Variants in IP6K1 observed in about 807,000 individuals in gnomAD.
The protein encoded by IP6K1 is ATP:1D-myo-inositol-hexakisphosphate phosphotransferase.
A neutral mutation model predicts 38.3 loss-of-function variants in IP6K1; 13 were observed. The ratio of observed to expected loss-of-function variants is 0.34; its 90% confidence interval spans 0.22 to 0.54. The LOEUF (loss-of-function observed/expected upper bound fraction) is 0.54, where lower values mean the gene tolerates loss of function less well. Ranked by LOEUF, IP6K1 falls within the 20% of genes least tolerant of loss-of-function variation. IP6K1 has a pLI of 0.92. For synonymous variants in IP6K1, 212 were observed against 229.9 expected (o/e 0.92, Z 0.70); for missense variants, 397 against 599.8 (o/e 0.66, Z 3.53).
At chr3:49,734,346 C>T (rs1171207463) in intron 3 of IP6K1, among the ~76,000 whole-genome samples, 2 of 149,010 alleles carry the variant, frequency 1.3e-5, no homozygotes, top group Non-Finnish European at 3.0e-5. Context: ...CTGCAAATTA[C>T]AGAGCAAGCC....
At chr3:49,747,792 T>C (rs2080734342) in intron 2 of IP6K1, 26 bp downstream of exon 2, 1 of 1,613,902 alleles carries the variant, frequency 6.2e-7, no homozygotes, top group Non-Finnish European at 8.5e-7. Flanking sequence ...AGGCTGCTGC[T>C]TTCATTAAAC....
rs577201789 is a variant in IP6K1 at position 49,776,922 on chromosome 3, C to T, written c.-129+9432G>A. On this transcript the variant is annotated intron_variant, in intron 1 of 5. Transcript: ENST00000321599. ...TTGACTGGAAAGGGAAATAAGAGTA[C>T]CTTCTATGACTAACTGACATCTTTT... 3.9e-5 allele frequency among the ~76,000 whole-genome samples: 6 copies of T among 152,234 alleles called. No individual in the cohort carries two copies. In the South Asian group the frequency reaches 1.2e-3, roughly 32 times the overall value.
intron 1 of IP6K1, among the ~76,000 whole-genome samples, chr3:49,757,793 C>T (rs970772149): frequency 6.6e-6 from 1 of 152,226 alleles, no homozygotes; most frequent in East Asian, 1.9e-4. Context: ...TTGTCACTCA[C>T]GCTAATTTCA....
intron 1 of IP6K1, among the ~76,000 whole-genome samples, chr3:49,781,222 T>G (rs1466095977): frequency 1.3e-5 from 2 of 152,116 alleles, no homozygotes; most frequent in African/African-American, 2.4e-5. Context: ...CCACCACGCC[T>G]GACTAATTTT....
intron 1 of IP6K1, among the ~76,000 whole-genome samples, chr3:49,752,598 C>T (rs1201220390): frequency 1.3e-5 from 2 of 151,844 alleles, no homozygotes; most frequent in Non-Finnish European, 1.5e-5. Flanking sequence ...TCTCGGCTCA[C>T]CTCAATCTCC....
rs1575325318 is a variant in IP6K1 at position 49,770,537 on chromosome 3, C to T, written c.-129+15817G>A. ...GAGCTCACCTGTAGTCTTAGCTACG[C>T]GGGAGGCTGAAGTGGGAGAATGGCT... On this transcript the variant is annotated intron_variant, in intron 1 of 5. Coordinates refer to ENST00000321599, the MANE Select transcript of IP6K1 (RefSeq NM_153273.4). Among the ~76,000 whole-genome samples the T allele has an allele frequency of 3.3e-5, 5 of 152,000 alleles. No homozygotes were observed. In the South Asian group the frequency reaches 8.3e-4, roughly 25 times the overall value.
At position 49,738,213 on chromosome 3, in the gene IP6K1, T is replaced by C; in HGVS notation, c.433A>G (p.Ser145Gly). Residue 145 changes from serine (S) to glycine (G), a missense_variant and splice_region_variant, in exon 3 of 6, where the codon AGC becomes GGC. Ser to Gly is a moderately conservative substitution (Grantham distance 56, BLOSUM62 0). This residue lies in a region of IP6K1 where 171 missense variants were observed against 237.0 expected (regional missense o/e 0.72). Coordinates refer to ENST00000321599, the MANE Select transcript of IP6K1 (RefSeq NM_153273.4). The part of the protein sequence containing the change: ...KASLSLETSE[S>G]SQEAKSPKVE... ...CAGGACGAAACATGTACCTCTTACC[T>C]CTCAGAGGTCTCAAGGGACAGGCTG... The C allele has an allele frequency of 6.2e-7, 1 of 1,611,668 alleles. No individual in the cohort carries two copies. The highest frequency in any genetic ancestry group is 8.5e-7 in the Non-Finnish European group (1 of 1,177,774).
intron 1 of IP6K1, among the ~76,000 whole-genome samples, chr3:49,770,423 C>T (rs1187992698): frequency 6.6e-6 from 1 of 152,060 alleles, no homozygotes; most frequent in Non-Finnish European, 1.5e-5. Flanking sequence ...AACTAGAAAG[C>T]TTGTAGGTGA....
At position 49,738,308 on chromosome 3, in the gene IP6K1, G is replaced by A. The variant is rs2080633670; in HGVS notation, c.338C>T (p.Pro113Leu). The A allele has an allele frequency of 6.2e-7, 1 of 1,614,072 alleles. No individual in the cohort carries two copies. The highest frequency in any genetic ancestry group is 8.5e-7 in the Non-Finnish European group (1 of 1,180,048). ...EQDDTTEREQ[P>L]RRKHSRRSLH... ...GCTCCGGCGGGAGTGTTTGCGCCGA[G>A]GTTGCTCCCGTTCTGTTGTGTCATC... The change falls in exon 3 of 6, where the codon CCT becomes CTT. Residue 113 changes from proline (P) to leucine (L), a missense_variant. Pro to Leu is a moderately conservative substitution (Grantham distance 98). Around this residue, in one of 3 missense-constraint regions of IP6K1, gnomAD observed 171 missense variants for 237.0 expected, o/e 0.72. Coordinates refer to ENST00000321599, the MANE Select transcript of IP6K1 (RefSeq NM_153273.4).
At chr3:49,742,704 G>A (rs1029982781) in intron 2 of IP6K1, among the ~76,000 whole-genome samples, 7 of 150,692 alleles carry the variant, frequency 4.6e-5, no homozygotes, top group African/African-American at 9.8e-5. Flanking sequence ...TTTGAGACCC[G>A]CCTGGGCAAC....
At chr3:49,749,593 T>C (rs572889287) in intron 1 of IP6K1, among the ~76,000 whole-genome samples, 1 of 152,206 alleles carries the variant, frequency 6.6e-6, no homozygotes, top group South Asian at 2.1e-4. Context: ...ATGGACAAAA[T>C]GGGGTACAAA....
intron 1 of IP6K1, among the ~76,000 whole-genome samples, chr3:49,754,659 T>TA (rs903150918): frequency 5.3e-5 from 8 of 152,066 alleles, no homozygotes; most frequent in African/African-American, 1.9e-4. Flanking sequence ...TGACAATGAA[T>TA]AAAAAACCTT....
chr3:49,763,478 C>G lies in IP6K1; in HGVS notation c.-128-15310G>C, dbSNP rs1359312073. ...ATAAATAAGAAAAAAGATTTTAGAA[C>G]AATGTCCTTCATGAATACAGATACA... On this transcript the variant is annotated intron_variant, in intron 1 of 5. Coordinates refer to ENST00000321599, the MANE Select transcript of IP6K1 (RefSeq NM_153273.4). 5.0e-4 allele frequency among the ~76,000 whole-genome samples: 76 copies of G among 152,062 alleles called. 1 individual carries two copies. Among genetic ancestry groups the G allele is most frequent in the Admixed American group, 5.0e-3 (76 of 15,260 alleles).
Position 49,727,579 on chromosome 3 carries a change from C to T in IP6K1, c.869G>A (p.Arg290His), listed in dbSNP as rs768961620. 3 of 1,614,158 alleles carry T rather than the reference C, an allele frequency of 1.9e-6. No individual in the cohort carries two copies. Among genetic ancestry groups the T allele is most frequent in the East Asian group, 4.5e-5 (2 of 44,886 alleles). Residue 290 changes from arginine to histidine, a missense_variant, in exon 6 of 6, where the codon CGC becomes CAC. Transcript: ENST00000321599. The surrounding 1 kb of genome is among the most constrained non-coding windows in gnomAD (Gnocchi z 5.9). Reference sequence around the variant, plus strand: ...GTGCAGATATTGATAGAGGGCATTGCGGAAGCCTTCAATGGAGAGCCCACG... The same window carrying T: ...GTGCAGATATTGATAGAGGGCATTGTGGAAGCCTTCAATGGAGAGCCCACG... ...YGRGLSIEGF[R>H]NALYQYLHNG...
intron 1 of IP6K1, among the ~76,000 whole-genome samples, chr3:49,766,803 T>C (rs1216110141): frequency 1.4e-5 from 2 of 143,168 alleles, no homozygotes; most frequent in African/African-American, 2.6e-5. Context: ...CCGTCTCTAC[T>C]AAAAATACAA....
intron 1 of IP6K1, among the ~76,000 whole-genome samples, chr3:49,763,784 G>A (rs1559712302): frequency 6.6e-6 from 1 of 152,092 alleles, no homozygotes; most frequent in Non-Finnish European, 1.5e-5. Context: ...GGGAGGCTGA[G>A]GCGGGAGGAT....
intron 1 of IP6K1, among the ~76,000 whole-genome samples, chr3:49,749,577 G>C (rs2108238885): frequency 6.6e-6 from 1 of 152,216 alleles, no homozygotes; most frequent in African/African-American, 2.4e-5. Context: ...CCTGGATCTT[G>C]TAATTATGGA....
chr3:49,760,662 G>A (rs567499711), intron 1 of IP6K1, among the ~76,000 whole-genome samples: 14 of 150,532 alleles, frequency 9.3e-5, no homozygotes, highest in Admixed American at 4.0e-4. Context: ...AGCAAAAAGC[G>A]GAGAGGTGGT....
At chr3:49,728,870 C>G (rs1158720699) in intron 4 of IP6K1, among the ~76,000 whole-genome samples, 1 of 152,068 alleles carries the variant, frequency 6.6e-6, no homozygotes, top group Non-Finnish European at 1.5e-5. Context: ...CCACCACGCC[C>G]AGCTAGAACT....
Sources: gnomAD v4.1 joint callset for allele counts (sites outside exome capture counted in the v4.1 genomes callset) on GRCh38, gnomAD v4.1.1 for gene constraint, gnomAD v4.1.1 regional missense constraint, Gnocchi (gnomAD v3.1) non-coding constraint, MANE v1.5 for transcripts, NCBI Gene and HGNC (gene_info 2026-07-23, HGNC 2026-07-21) for gene names.